The following ZBTB46 variants were observed in gnomAD, a reference collection of about 807,000 sequenced individuals.
ZBTB46 encodes zinc finger and BTB domain containing 46.
In ZBTB46, 8 loss-of-function variants were observed where a neutral mutation model predicts 44.1. That is an observed-to-expected ratio of 0.18 (90% confidence interval 0.11 to 0.33). The LOEUF (loss-of-function observed/expected upper bound fraction) is 0.33. ZBTB46 is among the 10% of genes least tolerant of loss of function. ZBTB46 has a pLI of 1.00. For missense variants in ZBTB46, 651 were observed against 847.7 expected (o/e 0.77, Z 2.88); for synonymous variants, 409 against 382.3 (o/e 1.07, Z -0.81).
chr20:63,748,701 C>T (rs986990864), intron 4 of ZBTB46, among the ~76,000 whole-genome samples: 1 of 152,230 alleles, frequency 6.6e-6, no homozygotes, highest in African/African-American at 2.4e-5. Flanking sequence ...GCAATGACCC[C>T]AGGCTCCCCT....
At chr20:63,815,854 AGGTGCAGGTGGGCGCAGGTCCAGTGGGTG>A (rs2092750286) in intron 1 of ZBTB46, among the ~76,000 whole-genome samples, 1 of 99,870 alleles carries the variant, frequency 1.0e-5, no homozygotes, top group African/African-American at 4.8e-5. Context: ...CAGTGAGTGC[AGGTGCAGGTGGGCGCAGGTCCAGTGGGTG>A]CAGGTGCAGT....
At position 63,747,069 on chromosome 20, in the gene ZBTB46, T is replaced by G; in HGVS notation, c.1631A>C (p.Glu544Ala). Residue 544 changes from glutamate (E) to alanine (A), a missense_variant, in exon 5 of 5, where the codon GAG becomes GCG. Glu to Ala is a moderately radical substitution (Grantham distance 107). Coordinates refer to ENST00000245663, the MANE Select transcript of ZBTB46 (RefSeq NM_001369741.1). ...YLEDPEDPRGEAEELGEDDEG... is the reference protein window; with the variant it reads ...YLEDPEDPRGAAEELGEDDEG... ...GTCGTCCTCGCCCAGCTCCTCCGCC[T>G]CCCCTCGTGGGTCCTCAGGGTCCTC... is the stretch of plus-strand genomic sequence containing the variant. The G allele has an allele frequency of 6.2e-7, 1 of 1,608,712 alleles. No homozygotes were observed. The highest frequency in any genetic ancestry group is 1.1e-5 in the South Asian group (1 of 91,036).
intron 1 of ZBTB46, among the ~76,000 whole-genome samples, chr20:63,817,797 C>T (rs1005389778): frequency 1.3e-5 from 2 of 151,918 alleles, no homozygotes; most frequent in Non-Finnish European, 2.9e-5. Flanking sequence ...AAGACAGAGG[C>T]AGAGGCTGGA....
At chr20:63,748,569 A>T (rs2092128299) in intron 4 of ZBTB46, among the ~76,000 whole-genome samples, 2 of 152,270 alleles carry the variant, frequency 1.3e-5, no homozygotes, top group South Asian at 4.1e-4. Flanking sequence ...TCTGCCCTCC[A>T]AGGACCGAGA....
At chr20:63,821,065 G>A (rs1312252425) in intron 1 of ZBTB46, among the ~76,000 whole-genome samples, 4 of 151,484 alleles carry the variant, frequency 2.6e-5, no homozygotes, top group African/African-American at 7.3e-5. Flanking sequence ...GCTAATTTTT[G>A]TATTTTTAGT....
chr20:63,779,235 TAATTA>T (rs2092449372), intron 2 of ZBTB46, among the ~76,000 whole-genome samples: 2 of 150,524 alleles, frequency 1.3e-5, no homozygotes, highest in Non-Finnish European at 1.5e-5. Flanking sequence ...TTTAATTAAT[TAATTA>T]ATTTATTTAT....
At chr20:63,826,618 C>T (rs67041914) in intron 1 of ZBTB46, among the ~76,000 whole-genome samples, 44 of 148,674 alleles carry the variant, frequency 3.0e-4, no homozygotes, top group African/African-American at 1.0e-3. Context: ...CCAGCTACTC[C>T]GGAGGCTGAG....
At chr20:63,815,735 G>GTGCAGTAGT (rs1228154884) in intron 1 of ZBTB46, among the ~76,000 whole-genome samples, 25 of 150,856 alleles carry the variant, frequency 1.7e-4, no homozygotes, top group Non-Finnish European at 3.4e-4. Context: ...GGTGCAGTAG[G>GTGCAGTAGT]TGCAGGTGAG....
chr20:63,785,377 A>C (rs2145908016), intron 2 of ZBTB46, among the ~76,000 whole-genome samples: 1 of 151,766 alleles, frequency 6.6e-6, no homozygotes, highest in East Asian at 1.9e-4. Flanking sequence ...CCTGGCCAAT[A>C]TGGTGAAACC....
At chr20:63,758,207 G>A (rs1022441966) in intron 3 of ZBTB46, among the ~76,000 whole-genome samples, 5 of 143,186 alleles carry the variant, frequency 3.5e-5, no homozygotes, top group Non-Finnish European at 3.0e-5. Flanking sequence ...CCCGTCCAGA[G>A]CTCACACTCC....
At chr20:63,747,574 TG>T (rs1325631253) in intron 4 of ZBTB46, among the ~76,000 whole-genome samples, 9 of 17,242 alleles carry the variant, frequency 5.2e-4, no homozygotes, top group Non-Finnish European at 5.8e-4. Flanking sequence ...CGGTTGGGGT[TG>T]GGGGGGCACA....
At chr20:63,764,379 T>C (rs889072278) in intron 3 of ZBTB46, among the ~76,000 whole-genome samples, 6 of 151,256 alleles carry the variant, frequency 4.0e-5, no homozygotes, top group African/African-American at 1.5e-4. Context: ...GAGGTTGCAG[T>C]GAGCAGAGAT....
chr20:63,830,896 G>A (rs1207350841), intron 1 of ZBTB46, among the ~76,000 whole-genome samples: 2 of 141,460 alleles, frequency 1.4e-5, no homozygotes, highest in Admixed American at 1.4e-4. Context: ...CTCCGCCGCC[G>A]CCCCCGGAGC....
chr20:63,827,614 CA>C (rs555128079), intron 1 of ZBTB46, among the ~76,000 whole-genome samples: 20,994 of 80,040 alleles, frequency 0.26, 1,284 homozygotes, highest in East Asian at 0.49. Context: ...GACTCCGTCT[CA>C]AAAAAAAAAA....
chr20:63,784,015 C>T (rs1296109512), intron 2 of ZBTB46, among the ~76,000 whole-genome samples: 3 of 152,198 alleles, frequency 2.0e-5, no homozygotes, highest in Non-Finnish European at 1.5e-5. Flanking sequence ...CCTGCAGGGA[C>T]GTAACCTCAG....
At chr20:63,813,972 C>T (rs1306677840) in intron 1 of ZBTB46, among the ~76,000 whole-genome samples, 3 of 152,256 alleles carry the variant, frequency 2.0e-5, no homozygotes, top group African/African-American at 4.8e-5. Flanking sequence ...CGGTGGCTCA[C>T]GCCTGTAATC....
At position 63,752,540 on chromosome 20, in the gene ZBTB46, C is replaced by G; in HGVS notation, c.1398+146G>C. The G allele has an allele frequency of 9.9e-7, 1 of 1,005,156 alleles. No individual in the cohort carries two copies. The highest frequency in any genetic ancestry group is 1.3e-6 in the Non-Finnish European group (1 of 750,812). The allele number at this position is 1,005,156 out of a possible 1,614,324, so 62.3% of individuals were successfully genotyped here. Reference sequence around the variant, plus strand: ...GGGCAGAGCAGACAGGGGCCCGGGGCGGATCTCCCTGCCCTGCTGTCGTCC... The same window carrying G: ...GGGCAGAGCAGACAGGGGCCCGGGGGGGATCTCCCTGCCCTGCTGTCGTCC... On this transcript the variant is annotated intron_variant, in intron 4 of 4. Transcript: ENST00000245663. This position sits in a 1 kb window ranked among gnomAD's most constrained non-coding sequence, Gnocchi z 5.6.
At chr20:63,818,601 A>C (rs564355318) in intron 1 of ZBTB46, among the ~76,000 whole-genome samples, 2 of 152,276 alleles carry the variant, frequency 1.3e-5, no homozygotes, top group African/African-American at 4.8e-5. Flanking sequence ...CATGCCTGTC[A>C]TCCCAACACT....
chr20:63,805,013 C>T (rs891713536), intron 1 of ZBTB46, among the ~76,000 whole-genome samples: 2 of 151,290 alleles, frequency 1.3e-5, no homozygotes, highest in East Asian at 2.0e-4. Flanking sequence ...CTCCACCTCC[C>T]GGGTTCAATT....
Sources: gnomAD v4.1 joint callset for allele counts (sites outside exome capture counted in the v4.1 genomes callset) on GRCh38, gnomAD v4.1.1 for gene constraint, Gnocchi (gnomAD v3.1) non-coding constraint, MANE v1.5 for transcripts, NCBI Gene and HGNC (gene_info 2026-07-23, HGNC 2026-07-21) for gene names.